The following TAFA2 variants were observed in gnomAD, a reference collection of about 807,000 sequenced individuals.
The protein encoded by TAFA2 is TAFA chemokine like family member 2, also known as chemokine-like protein TAFA-2.
TAFA2 carries 7 observed loss-of-function variants against 18.8 expected under a neutral mutation model. The observed-to-expected ratio is 0.37, with a 90% confidence interval of 0.21 to 0.70. TAFA2 has a LOEUF of 0.70. Among genes scored for constraint, TAFA2 ranks in the 30% least tolerant of loss-of-function variants. The probability of loss-of-function intolerance (pLI) is 0.53; values close to 1 mark genes in which losing one functional copy is unlikely to be tolerated. For synonymous variants in TAFA2, 60 were observed against 54.2 expected, an observed-to-expected ratio of 1.11 and a Z score of -0.47; for missense variants, 122 against 158.1, an observed-to-expected ratio of 0.77 and a Z score of 1.23.
At chr12:61,937,640 T>C (rs1877826062) in intron 1 of TAFA2, among the ~76,000 whole-genome samples, 1 of 152,154 alleles carries the variant, frequency 6.6e-6, no homozygotes, top group African/African-American at 2.4e-5. Flanking sequence ...TCTTTCACCT[T>C]ATACAAAAAT....
In TAFA2 at chr12:61,877,351, T is replaced by C. The variant is rs192577242; in HGVS notation, c.-1-9925A>G. ...CTAACATTTTCCTTATGGATGAATTTGGTTTCCTCAGTCATGATGCAGGTA... is the reference window on the plus strand; with the variant it reads ...CTAACATTTTCCTTATGGATGAATTCGGTTTCCTCAGTCATGATGCAGGTA... On this transcript the variant is annotated intron_variant, in intron 1 of 4. Coordinates refer to ENST00000416284, the MANE Select transcript of TAFA2 (RefSeq NM_178539.5). Among the ~76,000 whole-genome samples the C allele has an allele frequency of 7.6e-4, 115 of 152,312 alleles. 1 individual carries two copies. Among genetic ancestry groups the C allele is most frequent in the Admixed American group, 2.7e-3 (42 of 15,304 alleles).
intron 1 of TAFA2, among the ~76,000 whole-genome samples, chr12:61,999,108 A>T (rs1446261816): frequency 1.3e-5 from 2 of 152,222 alleles, no homozygotes; most frequent in Non-Finnish European, 1.5e-5. Flanking sequence ...ACTGAAAAAT[A>T]TACTGGCCAT....
intron 1 of TAFA2, among the ~76,000 whole-genome samples, chr12:62,038,737 C>T (rs1881678334): frequency 6.6e-6 from 1 of 152,130 alleles, no homozygotes; most frequent in Non-Finnish European, 1.5e-5. Flanking sequence ...CATTTGATCA[C>T]TTAAAAATAC....
chr12:62,259,709 T>G (rs1485594359), upstream of TAFA2: 1 of 152,676 alleles, frequency 6.5e-6, no homozygotes, highest in Non-Finnish European at 1.5e-5. Flanking sequence ...CATATTCTAC[T>G]CCCTGTTCAC....
chr12:62,228,390 G>T (rs1380386566), intron 1 of TAFA2, among the ~76,000 whole-genome samples: 1 of 152,066 alleles, frequency 6.6e-6, no homozygotes, highest in Non-Finnish European at 1.5e-5. Context: ...ATTTTCCTGT[G>T]GGTATATACC....
intron 2 of TAFA2, among the ~76,000 whole-genome samples, chr12:61,849,499 T>A (rs1275738768): frequency 1.3e-5 from 2 of 152,226 alleles, no homozygotes; most frequent in Admixed American, 6.5e-5. Flanking sequence ...ATTTTCATAA[T>A]ATCCAAATAT....
chr12:62,214,271 G>C (rs761593659), intron 1 of TAFA2, among the ~76,000 whole-genome samples: 6 of 152,130 alleles, frequency 3.9e-5, no homozygotes, highest in Admixed American at 2.0e-4. Context: ...AATTACGGGG[G>C]CAGTTCTTTC....
At chr12:61,882,806 A>G (rs1386885404) in intron 1 of TAFA2, among the ~76,000 whole-genome samples, 1 of 152,186 alleles carries the variant, frequency 6.6e-6, no homozygotes, top group East Asian at 1.9e-4. Flanking sequence ...TGGATTCAAG[A>G]CTTGGTCACC....
intron 1 of TAFA2, among the ~76,000 whole-genome samples, chr12:62,151,788 C>A (rs1325537101): frequency 6.6e-6 from 1 of 152,134 alleles, no homozygotes; most frequent in Non-Finnish European, 1.5e-5. Flanking sequence ...CTAAGCCATA[C>A]ATTAGAATAG....
chr12:62,061,092 T>G (rs186602402), intron 1 of TAFA2, among the ~76,000 whole-genome samples: 1 of 152,216 alleles, frequency 6.6e-6, no homozygotes, highest in Admixed American at 6.5e-5. Flanking sequence ...AAGAATATTT[T>G]TAATAAATTT....
At chr12:61,846,910 A>G (rs1873428690) in intron 2 of TAFA2, among the ~76,000 whole-genome samples, 1 of 152,208 alleles carries the variant, frequency 6.6e-6, no homozygotes, top group Non-Finnish European at 1.5e-5. Context: ...TTCATCTCCC[A>G]GGAGTATTTC....
intron 1 of TAFA2, among the ~76,000 whole-genome samples, chr12:62,029,811 A>ATCTATC (rs1555184994): frequency 6.9e-6 from 1 of 145,914 alleles, no homozygotes; most frequent in Non-Finnish European, 1.5e-5. Context: ...ATGTCTTCCT[A>ATCTATC]TCTCTCTCTC....
chr12:61,876,655 C>T (rs1050874068), intron 1 of TAFA2, among the ~76,000 whole-genome samples: 1 of 151,930 alleles, frequency 6.6e-6, no homozygotes, highest in African/African-American at 2.4e-5. Context: ...AAAGCACCAA[C>T]ATCAACATAT....
At chr12:62,055,370 AAG>A (rs1294399777) in intron 1 of TAFA2, among the ~76,000 whole-genome samples, 1 of 152,234 alleles carries the variant, frequency 6.6e-6, no homozygotes, top group Non-Finnish European at 1.5e-5. Flanking sequence ...TGAAATAGAA[AAG>A]AGTCTCTCCA....
intron 1 of TAFA2, among the ~76,000 whole-genome samples, chr12:62,242,892 A>T (rs1226108454): frequency 1.3e-5 from 2 of 152,254 alleles, no homozygotes. Context: ...TATGAGTAAT[A>T]GGAACTAACC....
At chr12:61,884,080 T>C (rs940517053) in intron 1 of TAFA2, among the ~76,000 whole-genome samples, 1 of 152,164 alleles carries the variant, frequency 6.6e-6, no homozygotes, top group Non-Finnish European at 1.5e-5. Flanking sequence ...GAAAGTAATG[T>C]CAAGCCAAAA....
chr12:62,199,470 T>G (rs111773922), intron 1 of TAFA2, among the ~76,000 whole-genome samples: 12,824 of 152,210 alleles, frequency 0.084, 666 homozygotes, highest in Middle Eastern at 0.18. Context: ...TTTGGTGTTC[T>G]GTTCCTGTGT....
intron 1 of TAFA2, among the ~76,000 whole-genome samples, chr12:62,169,706 C>T (rs564659178): frequency 8.6e-5 from 13 of 152,036 alleles, no homozygotes; most frequent in African/African-American, 3.1e-4. Flanking sequence ...AAAAAATTAG[C>T]CTGGCATAGT....
At chr12:61,864,501 C>T (rs1223082962) in intron 2 of TAFA2, among the ~76,000 whole-genome samples, 1 of 150,822 alleles carries the variant, frequency 6.6e-6, no homozygotes, top group African/African-American at 2.4e-5. Context: ...AAACAAAAAG[C>T]TATCAAAAGC....
Sources: gnomAD v4.1 joint callset for allele counts (sites outside exome capture counted in the v4.1 genomes callset) on GRCh38, gnomAD v4.1.1 for gene constraint, MANE v1.5 for transcripts, NCBI Gene and HGNC (gene_info 2026-07-23, HGNC 2026-07-21) for gene names.